The following NRG1 variants were observed in gnomAD, a reference collection of about 807,000 sequenced individuals.
NRG1 encodes the protein pro-neuregulin-1, membrane-bound isoform.
Under a neutral mutation model 63.8 loss-of-function variants are expected in NRG1, and 18 were observed. That is an observed-to-expected ratio of 0.28 (90% CI 0.19 to 0.42). The LOEUF (loss-of-function observed/expected upper bound fraction) is 0.42. Ranked by LOEUF, NRG1 falls within the 10% of genes least tolerant of loss-of-function variation. NRG1 has a pLI of 1.00. For synonymous variants in NRG1, 302 were observed against 301.3 expected (o/e 1.00, Z -0.02); for missense variants, 762 against 814.7 (o/e 0.94, Z 0.79).
chr8:32,051,261 C>T (rs1821931156), intron 1 of NRG1, among the ~76,000 whole-genome samples: 1 of 152,142 alleles, frequency 6.6e-6, no homozygotes, highest in African/African-American at 2.4e-5. Flanking sequence ...ATAACAACCT[C>T]TGCTAGACTC....
intron 5 of NRG1, among the ~76,000 whole-genome samples, chr8:32,639,920 T>C (rs1250780712): frequency 6.6e-6 from 1 of 152,242 alleles, no homozygotes; most frequent in Non-Finnish European, 1.5e-5. Context: ...CTTCTCTTAC[T>C]GCATTAAACT....
At chr8:31,736,689 C>T (rs1301201349) in intron 1 of NRG1, among the ~76,000 whole-genome samples, 1 of 152,090 alleles carries the variant, frequency 6.6e-6, no homozygotes, top group Non-Finnish European at 1.5e-5. Context: ...TTGAACTAGA[C>T]AATTTCAAAA....
chr8:32,334,689 A>G (rs1188981397), intron 1 of NRG1, among the ~76,000 whole-genome samples: 1 of 152,222 alleles, frequency 6.6e-6, no homozygotes, highest in Non-Finnish European at 1.5e-5. Context: ...AAGGAAGTAG[A>G]ATAGCTATCT....
rs997443984 is a variant in NRG1 at position 31,691,543 on chromosome 8, C to T, written c.37+52112C>T. On this transcript the variant is annotated intron_variant, in intron 1 of 10. Transcript: ENST00000519301. ...CCGGGAGGCGGAGCTTGCAGTGAGCCGAGATTGTGCCACTGCACTCCAGCC... is the reference window on the plus strand; with the variant it reads ...CCGGGAGGCGGAGCTTGCAGTGAGCTGAGATTGTGCCACTGCACTCCAGCC... 3.4e-4 allele frequency among the ~76,000 whole-genome samples: 40 copies of T among 118,974 alleles called. No individual in the cohort carries two copies. The East Asian group carries it at 0.01, about 30-fold the overall frequency. 78.1% of individuals were successfully genotyped at this position (118,974 alleles called of 152,430 possible).
At chr8:31,683,477 A>G (rs1000267285) in intron 1 of NRG1, among the ~76,000 whole-genome samples, 1 of 152,192 alleles carries the variant, frequency 6.6e-6, no homozygotes, top group African/African-American at 2.4e-5. Flanking sequence ...TATGATTGCG[A>G]TTATGTGATA....
chr8:32,159,540 C>CAAAAAAA (rs10684266), intron 1 of NRG1, among the ~76,000 whole-genome samples: 7 of 73,718 alleles, frequency 9.5e-5, no homozygotes, highest in African/African-American at 2.3e-4. Flanking sequence ...GACTCCGTCT[C>CAAAAAAA]AAAAAAAAAA....
intron 1 of NRG1, among the ~76,000 whole-genome samples, chr8:32,289,170 G>C (rs1853897274): frequency 6.6e-6 from 1 of 152,124 alleles, no homozygotes; most frequent in Non-Finnish European, 1.5e-5. Context: ...CTCCTTAAAA[G>C]ATATGCAGAA....
intron 1 of NRG1, among the ~76,000 whole-genome samples, chr8:31,776,761 T>C (rs551493885): frequency 3.9e-5 from 6 of 152,116 alleles, no homozygotes; most frequent in Admixed American, 2.0e-4. Context: ...ATTGTTCAAT[T>C]CCCACCTATG....
chr8:32,423,597 G>A (rs1251493924), intron 1 of NRG1, among the ~76,000 whole-genome samples: 1 of 152,052 alleles, frequency 6.6e-6, no homozygotes, highest in East Asian at 1.9e-4. Flanking sequence ...AGTGAGCCAT[G>A]TTCATGCCAG....
chr8:31,962,240 T>C (rs952131700), intron 1 of NRG1, among the ~76,000 whole-genome samples: 11 of 152,204 alleles, frequency 7.2e-5, no homozygotes, highest in African/African-American at 2.7e-4. Flanking sequence ...GAAAACAACC[T>C]GATCTCAATT....
chr8:31,761,632 G>A (rs1302927350), intron 1 of NRG1, among the ~76,000 whole-genome samples: 1 of 152,096 alleles, frequency 6.6e-6, no homozygotes, highest in East Asian at 1.9e-4. Flanking sequence ...AGTTTGTGGA[G>A]CAGTTAGAAC....
Position 32,345,725 on chromosome 8 carries a change from T to C in NRG1, c.38-250103T>C, listed in dbSNP as rs565000919. Among the ~76,000 whole-genome samples, 3 of 152,252 alleles carry C rather than the reference T, an allele frequency of 2.0e-5. No homozygotes were observed. The South Asian group carries it at 6.2e-4, about 32-fold the overall frequency. ...TGGCTCATACCTGTAATCCCAGCAC[T>C]TAGCGAGACTGAGGCGGGTGGATCA... On this transcript the variant is annotated intron_variant, in intron 1 of 10. Transcript: ENST00000519301.
chr8:32,147,888 T>A (rs73673554), intron 1 of NRG1, among the ~76,000 whole-genome samples: 8,617 of 152,218 alleles, frequency 0.057, 552 homozygotes, highest in African/African-American at 0.15. Context: ...TTTCTCTTGT[T>A]GTTTGAAATA....
intron 1 of NRG1, among the ~76,000 whole-genome samples, chr8:32,233,808 C>A (rs548798055): frequency 6.6e-6 from 1 of 151,752 alleles, no homozygotes; most frequent in African/African-American, 2.4e-5. Flanking sequence ...CGTGATCCAC[C>A]CCCCCATCAG....
At chr8:32,138,381 A>C (rs550020665) in intron 1 of NRG1, among the ~76,000 whole-genome samples, 2 of 151,986 alleles carry the variant, frequency 1.3e-5, no homozygotes, top group East Asian at 3.9e-4. Flanking sequence ...GAATACAAAC[A>C]AAGCATTTTT....
intron 5 of NRG1, among the ~76,000 whole-genome samples, chr8:32,634,083 G>C (rs1002719734): frequency 9.5e-6 from 1 of 105,344 alleles, no homozygotes; most frequent in African/African-American, 6.4e-5. Flanking sequence ...GTTTGAGGCT[G>C]AGCAAGATCT....
At chr8:32,474,649 C>T (rs757098499) in intron 1 of NRG1, among the ~76,000 whole-genome samples, 67 of 152,144 alleles carry the variant, frequency 4.4e-4, no homozygotes, top group African/African-American at 1.5e-3. Context: ...CGTGCCACCA[C>T]GCCTAGCTAA....
At chr8:32,436,519 T>C (rs1480521633) in intron 1 of NRG1, among the ~76,000 whole-genome samples, 1 of 152,232 alleles carries the variant, frequency 6.6e-6, no homozygotes, top group African/African-American at 2.4e-5. Flanking sequence ...ACCAATGATT[T>C]GTAAAGGAAT....
chr8:32,698,208 A>C (rs1322497526), intron 5 of NRG1, among the ~76,000 whole-genome samples: 1 of 152,096 alleles, frequency 6.6e-6, no homozygotes, highest in Non-Finnish European at 1.5e-5. Flanking sequence ...ATCTCAAAAA[A>C]AAAAAAAATA....
Sources: gnomAD v4.1 joint callset for allele counts (sites outside exome capture counted in the v4.1 genomes callset) on GRCh38, gnomAD v4.1.1 for gene constraint, MANE v1.5 for transcripts, NCBI Gene and HGNC (gene_info 2026-07-23, HGNC 2026-07-21) for gene names.